ESRRG: variants seen among roughly 807,000 people sequenced by gnomAD.
ESRRG encodes the protein estrogen related receptor gamma.
A neutral mutation model predicts 44.0 loss-of-function variants in ESRRG; 13 were observed. The observed-to-expected ratio is 0.30, with a 90% confidence interval of 0.19 to 0.47. The LOEUF (loss-of-function observed/expected upper bound fraction) is 0.47. Among genes scored for constraint, ESRRG ranks in the 20% least tolerant of loss-of-function variants. The pLI is 1.00. For synonymous variants in ESRRG, 215 were observed against 214.6 expected (o/e 1.00, Z -0.02); for missense variants, 395 against 580.6 (o/e 0.68, Z 3.29).
At chr1:216,748,177 C>T (rs1380212362) in intron 2 of ESRRG, among the ~76,000 whole-genome samples, 1 of 151,764 alleles carries the variant, frequency 6.6e-6, no homozygotes, top group African/African-American at 2.4e-5. Context: ...ATTCACTTGT[C>T]AATGTATAGC....
intron 3 of ESRRG, among the ~76,000 whole-genome samples, chr1:216,581,363 T>C (rs182554394): frequency 3.9e-5 from 6 of 152,214 alleles, no homozygotes; most frequent in Admixed American, 1.3e-4. Flanking sequence ...TGTACATATA[T>C]CCACACACAG....
chr1:216,789,121 G>A (rs980381093), intron 2 of ESRRG, among the ~76,000 whole-genome samples: 1 of 152,148 alleles, frequency 6.6e-6, no homozygotes, highest in African/African-American at 2.4e-5. Flanking sequence ...CAGCAGCAGG[G>A]TTGGAGAGGA....
intron 2 of ESRRG, among the ~76,000 whole-genome samples, chr1:216,914,030 G>T (rs1445060573): frequency 2.6e-5 from 4 of 152,100 alleles, no homozygotes; most frequent in Non-Finnish European, 5.9e-5. Context: ...TACCGGAAAA[G>T]TTCATTCCAG....
At chr1:217,123,681 C>T (rs1369430066) in intron 1 of ESRRG, among the ~76,000 whole-genome samples, 6 of 152,136 alleles carry the variant, frequency 3.9e-5, no homozygotes. Flanking sequence ...CATGTTCTCA[C>T]TTATAAGTGG....
chr1:216,810,650 C>T (rs1011762412), intron 2 of ESRRG, among the ~76,000 whole-genome samples: 2 of 146,954 alleles, frequency 1.4e-5, no homozygotes, highest in African/African-American at 5.0e-5. Flanking sequence ...ATAAAATCTG[C>T]CTTCCAAGTA....
chr1:216,655,551 A>G (rs954511451), intron 2 of ESRRG, among the ~76,000 whole-genome samples: 15 of 152,218 alleles, frequency 9.9e-5, no homozygotes, highest in Admixed American at 7.9e-4. Flanking sequence ...CCATGAATGG[A>G]TGGAAATCAG....
chr1:217,097,125 G>A (rs1479131873), intron 1 of ESRRG, among the ~76,000 whole-genome samples: 1 of 152,076 alleles, frequency 6.6e-6, no homozygotes, highest in African/African-American at 2.4e-5. Flanking sequence ...TGAGGTGGGA[G>A]GATCAGGATT....
In ESRRG at chr1:216,967,599, G is replaced by T. The variant is rs140776421; in HGVS notation, c.-105-27926C>A. ...TCTTTTTAGCAGTGAATAATACTCC[G>T]TTGTCTGGATGTACCATGGTTTATT... is the stretch of plus-strand genomic sequence containing the variant. On this transcript the variant is annotated intron_variant, in intron 1 of 7. Coordinates refer to the ESRRG transcript ENST00000359162. 2.6e-4 allele frequency among the ~76,000 whole-genome samples: 40 copies of T among 152,128 alleles called. No individual in the cohort carries two copies. In the East Asian group the frequency reaches 7.3e-3, roughly 28 times the overall value.
chr1:217,081,619 G>T (rs1278768671), intron 1 of ESRRG, among the ~76,000 whole-genome samples: 1 of 151,788 alleles, frequency 6.6e-6, no homozygotes, highest in Non-Finnish European at 1.5e-5. Flanking sequence ...TGGTTGGTTG[G>T]CATTTTTTAG....
At chr1:217,133,162 T>TGCC (rs925725027) in intron 1 of ESRRG, among the ~76,000 whole-genome samples, 28 of 152,208 alleles carry the variant, frequency 1.8e-4, no homozygotes, top group African/African-American at 6.8e-4. Context: ...TGGCCAGCAT[T>TGCC]GCCGCATAGA....
At position 216,590,931 on chromosome 1, in the gene ESRRG, G is replaced by A. The variant is rs190980138; in HGVS notation, c.590-22833C>T. ...TACTGACACATGACCACAACCCTGC[G>A]ATAAGGTGATGTTCCATTTATACAA... On this transcript the variant is annotated intron_variant, in intron 3 of 6. Transcript: ENST00000408911. 1.7e-4 allele frequency among the ~76,000 whole-genome samples: 26 copies of A among 152,200 alleles called. No individual in the cohort carries two copies. The South Asian group carries it at 2.3e-3, about 13-fold the overall frequency.
chr1:216,654,557 A>T (rs565414800), intron 2 of ESRRG, among the ~76,000 whole-genome samples: 1 of 151,558 alleles, frequency 6.6e-6, no homozygotes, highest in Non-Finnish European at 1.5e-5. Context: ...TGAACCCAGG[A>T]GAAGGAGGCT....
intron 1 of ESRRG, among the ~76,000 whole-genome samples, chr1:217,113,161 T>A (rs771526163): frequency 6.6e-6 from 1 of 152,318 alleles, no homozygotes; most frequent in South Asian, 2.1e-4. Flanking sequence ...TCTGAGAAAG[T>A]AGCTCAGTTG....
intron 2 of ESRRG, among the ~76,000 whole-genome samples, chr1:216,865,734 A>G (rs2096145036): frequency 6.6e-6 from 1 of 152,338 alleles, no homozygotes; most frequent in South Asian, 2.1e-4. Flanking sequence ...TTAAGAAAGT[A>G]CTGAATTTCT....
chr1:216,725,460 C>T (rs1357682763), upstream of ESRRG, among the ~76,000 whole-genome samples: 1 of 151,872 alleles, frequency 6.6e-6, no homozygotes, highest in African/African-American at 2.4e-5. Context: ...ATTGTCTATT[C>T]AATCTAAAAT....
At chr1:217,128,544 G>A (rs574516452) in intron 1 of ESRRG, among the ~76,000 whole-genome samples, 1 of 152,224 alleles carries the variant, frequency 6.6e-6, no homozygotes, top group South Asian at 2.1e-4. Flanking sequence ...TATTTAAACA[G>A]AGGAGACTAT....
chr1:216,551,241 G>A (rs1055484614), intron 5 of ESRRG, among the ~76,000 whole-genome samples: 2 of 152,080 alleles, frequency 1.3e-5, no homozygotes, highest in African/African-American at 4.8e-5. Flanking sequence ...TCATATAGTA[G>A]GCTCTTAATA....
At chr1:216,709,216 T>TA (rs964112440) in intron 1 of ESRRG, among the ~76,000 whole-genome samples, 1 of 151,384 alleles carries the variant, frequency 6.6e-6, no homozygotes, top group Non-Finnish European at 1.5e-5. Context: ...AAGTATAATT[T>TA]AAAAAAAAGA....
At chr1:216,779,329 A>G (rs2093784216) in intron 2 of ESRRG, among the ~76,000 whole-genome samples, 2 of 91,738 alleles carry the variant, frequency 2.2e-5, no homozygotes, top group Non-Finnish European at 3.8e-5. Context: ...ATATAAATAT[A>G]TATTTATATT....
Sources: gnomAD v4.1 joint callset for allele counts (sites outside exome capture counted in the v4.1 genomes callset) on GRCh38, gnomAD v4.1.1 for gene constraint, MANE v1.5 for transcripts, NCBI Gene and HGNC (gene_info 2026-07-23, HGNC 2026-07-21) for gene names.